TNFSF4: variants seen among roughly 807,000 people sequenced by gnomAD.
The protein encoded by TNFSF4 is tumor necrosis factor ligand superfamily member 4.
TNFSF4 carries 4 observed loss-of-function variants against 7.3 expected under a neutral mutation model. That is an observed-to-expected ratio of 0.55 (90% CI 0.27 to 1.25). The LOEUF (loss-of-function observed/expected upper bound fraction) is 1.25, where lower values mean the gene tolerates loss of function less well. Among genes scored for constraint, TNFSF4 ranks in the 50% most tolerant of loss-of-function variants. The probability of loss-of-function intolerance (pLI) is 0.12; values close to 1 mark genes in which losing one functional copy is unlikely to be tolerated. For synonymous variants in TNFSF4, 76 were observed against 83.7 expected, an observed-to-expected ratio of 0.91 and a Z score of 0.50; for missense variants, 181 against 208.8, an observed-to-expected ratio of 0.87 and a Z score of 0.82.
chr1:173,419,832 TAGCTCCTAG>T, the TNFSF4 span, among the ~76,000 whole-genome samples: 1 of 152,144 alleles, frequency 6.6e-6, no homozygotes, highest in Non-Finnish European at 1.5e-5. Context: ...AGATTAACTA[TAGCTCCTAG>T]AGCTGACTCT....
At chr1:173,381,674 C>T in the TNFSF4 span, among the ~76,000 whole-genome samples, 2 of 152,218 alleles carry the variant, frequency 1.3e-5, no homozygotes, top group Non-Finnish European at 2.9e-5. Flanking sequence ...TTCTTCTTCA[C>T]CCCTATCCAG....
the TNFSF4 span, among the ~76,000 whole-genome samples, chr1:173,240,958 G>A: frequency 6.6e-6 from 1 of 152,114 alleles, no homozygotes; most frequent in South Asian, 2.1e-4. Flanking sequence ...CTAACCATCA[G>A]GATTTCTCTT....
At chr1:173,446,918 T>A in the TNFSF4 span, among the ~76,000 whole-genome samples, 1 of 152,206 alleles carries the variant, frequency 6.6e-6, no homozygotes, top group Non-Finnish European at 1.5e-5. Flanking sequence ...TGAGTGACTT[T>A]GCCTTGTGAT....
At chr1:173,289,794 A>C in the TNFSF4 span, among the ~76,000 whole-genome samples, 1 of 152,294 alleles carries the variant, frequency 6.6e-6, no homozygotes, top group South Asian at 2.1e-4. Flanking sequence ...AGAAGAATAC[A>C]TCAGTGAGGT....
the TNFSF4 span, among the ~76,000 whole-genome samples, chr1:173,246,168 C>T: frequency 3.9e-5 from 6 of 151,990 alleles, no homozygotes; most frequent in African/African-American, 1.2e-4. Context: ...TTTTATTTCA[C>T]TTTAAGTTCT....
chr1:173,253,338 A>G, the TNFSF4 span, among the ~76,000 whole-genome samples: 2 of 152,244 alleles, frequency 1.3e-5, no homozygotes, highest in African/African-American at 2.4e-5. Flanking sequence ...CAAAAGGCAT[A>G]TGGCAAAGAA....
At chr1:173,328,009 T>TA in the TNFSF4 span, among the ~76,000 whole-genome samples, 2 of 152,184 alleles carry the variant, frequency 1.3e-5, no homozygotes, top group Non-Finnish European at 2.9e-5. Flanking sequence ...ACTGGGTATA[T>TA]ACCCAAAGGA....
At chr1:173,212,804 T>G in the TNFSF4 span, among the ~76,000 whole-genome samples, 30 of 151,988 alleles carry the variant, frequency 2.0e-4, no homozygotes, top group Admixed American at 5.2e-4. Context: ...ACCCCATAAA[T>G]ACATATACCT....
the TNFSF4 span, among the ~76,000 whole-genome samples, chr1:173,214,140 T>C: frequency 6.6e-6 from 1 of 152,194 alleles, no homozygotes; most frequent in Non-Finnish European, 1.5e-5. Context: ...ATGTTTATTG[T>C]CCTGTCTGAA....
chr1:173,245,504 G>A, the TNFSF4 span, among the ~76,000 whole-genome samples: 83 of 152,204 alleles, frequency 5.5e-4, 1 homozygote, highest in African/African-American at 1.8e-3. Flanking sequence ...GGGGTACAGC[G>A]TGATGTTTCC....
At chr1:173,214,622 G>C in the TNFSF4 span, among the ~76,000 whole-genome samples, 2 of 152,192 alleles carry the variant, frequency 1.3e-5, no homozygotes, top group Admixed American at 1.3e-4. Flanking sequence ...AATGTTTTAA[G>C]AAAGTTTATA....
the TNFSF4 span, among the ~76,000 whole-genome samples, chr1:173,316,686 C>CA: frequency 3.3e-5 from 5 of 151,912 alleles, no homozygotes; most frequent in South Asian, 8.3e-4. Context: ...AATTACTAGA[C>CA]AAAAAAATTG....
the TNFSF4 span, among the ~76,000 whole-genome samples, chr1:173,416,291 T>C: frequency 6.6e-6 from 1 of 152,164 alleles, no homozygotes; most frequent in East Asian, 1.9e-4. Context: ...ATGGTCCAAA[T>C]TTGCAAAGGA....
the TNFSF4 span, among the ~76,000 whole-genome samples, chr1:173,175,874 T>G: frequency 6.6e-6 from 1 of 152,170 alleles, no homozygotes; most frequent in Non-Finnish European, 1.5e-5. Context: ...CATACATGAG[T>G]TCCATTTTCA....
At chr1:173,193,682 T>C (rs1649576436) in intron 1 of TNFSF4, among the ~76,000 whole-genome samples, 1 of 151,782 alleles carries the variant, frequency 6.6e-6, no homozygotes, top group African/African-American at 2.4e-5. Flanking sequence ...GTACAGATGA[T>C]TGGCAATGAC....
the TNFSF4 span, among the ~76,000 whole-genome samples, chr1:173,295,957 ATG>A: frequency 6.6e-6 from 1 of 152,030 alleles, no homozygotes; most frequent in Non-Finnish European, 1.5e-5. Flanking sequence ...CTGTTCAGAC[ATG>A]TTATAGCAAG....
chr1:173,295,373 T>C, the TNFSF4 span, among the ~76,000 whole-genome samples: 8 of 151,990 alleles, frequency 5.3e-5, no homozygotes, highest in Non-Finnish European at 1.2e-4. Context: ...TGGTGATGTA[T>C]CCATCCCACA....
chr1:173,415,491 A>C, the TNFSF4 span, among the ~76,000 whole-genome samples: 21 of 152,206 alleles, frequency 1.4e-4, no homozygotes, highest in African/African-American at 5.1e-4. Flanking sequence ...ACTCAATCGG[A>C]ACCACCCTTA....
At chr1:173,368,411 T>A in the TNFSF4 span, among the ~76,000 whole-genome samples, 1 of 152,152 alleles carries the variant, frequency 6.6e-6, no homozygotes, top group Non-Finnish European at 1.5e-5. Flanking sequence ...TCCTCCGGAA[T>A]ATTGCCATGC....
Sources: allele counts gnomAD v4.1 joint callset (sites outside exome capture counted in the v4.1 genomes callset), GRCh38; gene constraint gnomAD v4.1.1; transcripts MANE v1.5; gene names NCBI Gene and HGNC (gene_info 2026-07-23, HGNC 2026-07-21).